Variants in OR6N1 observed in about 807,000 individuals in gnomAD.
OR6N1 encodes the protein olfactory receptor 6N1.
For synonymous variants in OR6N1, 170 were observed against 150.7 expected, an observed-to-expected ratio of 1.13 and a Z score of -0.94; for missense variants, 394 against 371.7, an observed-to-expected ratio of 1.06 and a Z score of -0.49.
chr1:158,778,404 T>C, the OR6N1 span, among the ~76,000 whole-genome samples: 375 of 152,206 alleles, frequency 2.5e-3, 1 homozygote, highest in African/African-American at 8.6e-3. Context: ...GGATCAGCTG[T>C]GTAAAAGAGA....
the OR6N1 span, among the ~76,000 whole-genome samples, chr1:158,811,333 T>C: frequency 6.6e-6 from 1 of 152,366 alleles, no homozygotes; most frequent in South Asian, 2.1e-4. Context: ...CTATCATTTA[T>C]TCATTGATTT....
At chr1:158,799,038 C>T in the OR6N1 span, among the ~76,000 whole-genome samples, 1 of 152,314 alleles carries the variant, frequency 6.6e-6, no homozygotes, top group African/African-American at 2.4e-5. Context: ...GCATGCATAA[C>T]ATCCTGAAGT....
intron 1 of OR6N1, among the ~76,000 whole-genome samples, chr1:158,770,401 G>T (rs1232457240): frequency 6.6e-6 from 1 of 152,086 alleles, no homozygotes; most frequent in Non-Finnish European, 1.5e-5. Flanking sequence ...GTTCTCAGAG[G>T]TTTGGACCAT....
chr1:158,835,825 T>C, the OR6N1 span, among the ~76,000 whole-genome samples: 3 of 152,028 alleles, frequency 2.0e-5, no homozygotes, highest in Non-Finnish European at 4.4e-5. Flanking sequence ...TGAGTGTTTC[T>C]AACATGAAAG....
At chr1:158,813,843 G>A in the OR6N1 span, among the ~76,000 whole-genome samples, 110 of 151,650 alleles carry the variant, frequency 7.3e-4, no homozygotes, top group Admixed American at 4.2e-3. Flanking sequence ...CTATAGGCAT[G>A]TGCTCCATGC....
the OR6N1 span, among the ~76,000 whole-genome samples, chr1:158,820,356 CTTTGAG>C: frequency 1.3e-5 from 2 of 152,338 alleles, no homozygotes; most frequent in East Asian, 3.9e-4. Flanking sequence ...TTCCCAACAA[CTTTGAG>C]TTTTAATTCC....
the OR6N1 span, among the ~76,000 whole-genome samples, chr1:158,801,960 T>C: frequency 6.6e-6 from 1 of 152,178 alleles, no homozygotes; most frequent in Admixed American, 6.5e-5. Flanking sequence ...CCTACTTATA[T>C]TTCATGTTCC....
chr1:158,829,291 GCT>G, the OR6N1 span, among the ~76,000 whole-genome samples: 9 of 152,120 alleles, frequency 5.9e-5, no homozygotes, highest in Non-Finnish European at 1.2e-4. Flanking sequence ...AAATTTTTAT[GCT>G]CTGTTTCCCT....
rs570465117 is a variant in OR6N1, at chr1:158,765,516, T to C, written c.*228A>G. On this transcript the variant is annotated 3_prime_UTR_variant, in exon 2 of 2. Coordinates refer to ENST00000641846, the MANE Select transcript of OR6N1 (RefSeq NM_001005185.2). ...GAGTTTTGAAAATCACTGCACTACA[T>C]CATGTTGAAGGGATGTGTACTTTCC... The C allele has an allele frequency of 2.0e-3, 948 of 474,640 alleles. No homozygotes were observed. Among genetic ancestry groups the C allele is most frequent in the Non-Finnish European group, 2.9e-3 (781 of 265,490 alleles). The allele number at this position is 474,640 out of a possible 1,614,324, so 29.4% of individuals were successfully genotyped here. A position where few individuals can be genotyped will look rare whatever the true frequency, so the allele number is the denominator to read the frequency against.
the OR6N1 span, among the ~76,000 whole-genome samples, chr1:158,816,102 G>T: frequency 1.3e-5 from 2 of 150,914 alleles, no homozygotes; most frequent in Admixed American, 6.6e-5. Flanking sequence ...ATCTTGCAGT[G>T]AGAGGAGATG....
chr1:158,824,240 G>C, the OR6N1 span, among the ~76,000 whole-genome samples: 1 of 151,980 alleles, frequency 6.6e-6, no homozygotes, highest in Admixed American at 6.6e-5. Flanking sequence ...TTTTATAAGG[G>C]GGAGTTTCTC....
At chr1:158,803,295 T>C in the OR6N1 span, among the ~76,000 whole-genome samples, 2 of 152,178 alleles carry the variant, frequency 1.3e-5, no homozygotes, top group South Asian at 4.1e-4. Context: ...TTTTGGACAA[T>C]ATGAGGGTCT....
At chr1:158,808,176 C>A in the OR6N1 span, among the ~76,000 whole-genome samples, 1 of 132,654 alleles carries the variant, frequency 7.5e-6, no homozygotes, top group African/African-American at 2.9e-5. Context: ...CTTGCTCTGT[C>A]GCCCAGGCTG....
the OR6N1 span, among the ~76,000 whole-genome samples, chr1:158,781,706 T>A: frequency 2.6e-5 from 4 of 152,256 alleles, no homozygotes; most frequent in African/African-American, 9.6e-5. Context: ...GAATCCTCTC[T>A]GATAAGAGCT....
chr1:158,798,043 G>T, the OR6N1 span, among the ~76,000 whole-genome samples: 1 of 151,548 alleles, frequency 6.6e-6, no homozygotes, highest in East Asian at 1.9e-4. Context: ...TAATTAACTG[G>T]CATATATTAT....
At chr1:158,781,577 G>A in the OR6N1 span, among the ~76,000 whole-genome samples, 1 of 152,102 alleles carries the variant, frequency 6.6e-6, no homozygotes, top group Admixed American at 6.6e-5. Context: ...ATAAACACAT[G>A]CACTCTCACA....
the OR6N1 span, among the ~76,000 whole-genome samples, chr1:158,787,617 TCTATCTCTCTCTCTCTCTCACA>T: frequency 7.9e-6 from 1 of 127,096 alleles, no homozygotes; most frequent in East Asian, 2.2e-4. Context: ...TATCTATCTC[TCTATCTCTCTCTCTCTCTCACA>T]CACACACACA....
the OR6N1 span, among the ~76,000 whole-genome samples, chr1:158,811,033 C>T: frequency 1.3e-5 from 2 of 152,106 alleles, no homozygotes; most frequent in Non-Finnish European, 2.9e-5. Flanking sequence ...CTGCCTCTTC[C>T]CACTCTCCAC....
the OR6N1 span, among the ~76,000 whole-genome samples, chr1:158,794,822 G>C: frequency 0.071 from 10,767 of 152,250 alleles, 468 homozygotes; most frequent in South Asian, 0.12. Context: ...AGGCTGTCCT[G>C]GTTGCTTCCA....
Sources: allele counts gnomAD v4.1 joint callset (sites outside exome capture counted in the v4.1 genomes callset), GRCh38; gene constraint gnomAD v4.1.1; transcripts MANE v1.5; gene names NCBI Gene and HGNC (gene_info 2026-07-23, HGNC 2026-07-21).